Variants in LRRTM4 observed in about 807,000 individuals in gnomAD.
LRRTM4 encodes leucine rich repeat transmembrane neuronal 4, also known as leucine-rich repeat transmembrane neuronal protein 4.
In LRRTM4, 25 loss-of-function variants were observed where a neutral mutation model predicts 47.6. That is an observed-to-expected ratio of 0.53 (90% CI 0.38 to 0.73). LRRTM4 has a LOEUF of 0.73. Ranked by LOEUF, LRRTM4 falls within the 30% of genes least tolerant of loss-of-function variation. The probability of loss-of-function intolerance (pLI) is 0.00; values close to 1 mark genes in which losing one functional copy is unlikely to be tolerated. For missense variants in LRRTM4, 638 were observed against 713.4 expected, an observed-to-expected ratio of 0.89 and a Z score of 1.20; for synonymous variants, 311 against 269.5, an observed-to-expected ratio of 1.15 and a Z score of -1.51.
At chr2:77,464,509 C>A (rs1057342222) in intron 3 of LRRTM4, among the ~76,000 whole-genome samples, 1 of 151,468 alleles carries the variant, frequency 6.6e-6, no homozygotes, top group Non-Finnish European at 1.5e-5. Flanking sequence ...TGAGCTATTT[C>A]CTTTTTTTTC....
At chr2:77,088,748 T>A (rs966916412) in intron 3 of LRRTM4, among the ~76,000 whole-genome samples, 4 of 152,134 alleles carry the variant, frequency 2.6e-5, no homozygotes, top group Non-Finnish European at 5.9e-5. Context: ...TCTTTGCTCC[T>A]TGAGAAAGAT....
rs112370214 is a variant in LRRTM4, at chr2:77,101,383, G to A, written c.1552-352467C>T. 1.2e-3 allele frequency among the ~76,000 whole-genome samples: 184 copies of A among 152,118 alleles called. 2 individuals are homozygous for A. The highest frequency in any genetic ancestry group is 3.8e-3 in the African/African-American group (158 of 41,518). On this transcript the variant is annotated intron_variant, in intron 3 of 3. Coordinates refer to ENST00000409884, the MANE Select transcript of LRRTM4 (RefSeq NM_001134745.3). ...AGTTGGGTTTATCAAAACAGAGTGC[G>A]TACATACAAAATGAGGGGGGTGAAG...
At chr2:76,928,418 G>T (rs374712598) in intron 3 of LRRTM4, among the ~76,000 whole-genome samples, 1 of 152,124 alleles carries the variant, frequency 6.6e-6, no homozygotes, top group Admixed American at 6.6e-5. Flanking sequence ...TCAATTTTGT[G>T]GTTGCAAGAT....
intron 3 of LRRTM4, among the ~76,000 whole-genome samples, chr2:77,008,656 G>A (rs924244762): frequency 4.6e-5 from 7 of 151,630 alleles, no homozygotes; most frequent in Non-Finnish European, 1.0e-4. Flanking sequence ...TCTTGTTGAG[G>A]TGTGTTTGCC....
At chr2:77,320,625 A>G (rs746322990) in intron 3 of LRRTM4, among the ~76,000 whole-genome samples, 58 of 152,208 alleles carry the variant, frequency 3.8e-4, no homozygotes, top group Non-Finnish European at 4.7e-4. Context: ...CCAAAGAAAG[A>G]GACCAAATAA....
At chr2:76,838,331 A>G (rs534693750) in intron 3 of LRRTM4, among the ~76,000 whole-genome samples, 2 of 152,026 alleles carry the variant, frequency 1.3e-5, no homozygotes, top group East Asian at 1.9e-4. Context: ...TTGTTTTCCT[A>G]CTTCTAAAAC....
chr2:76,868,389 A>C (rs993641370), intron 3 of LRRTM4, among the ~76,000 whole-genome samples: 4 of 152,252 alleles, frequency 2.6e-5, no homozygotes, highest in African/African-American at 9.6e-5. Context: ...GTTTTCAAGA[A>C]ATTTTTTTTA....
chr2:77,229,715 ATAG>A (rs1674912454), intron 3 of LRRTM4, among the ~76,000 whole-genome samples: 1 of 152,130 alleles, frequency 6.6e-6, no homozygotes, highest in Non-Finnish European at 1.5e-5. Flanking sequence ...AGACTTAGCA[ATAG>A]TAATGTCTCT....
intron 3 of LRRTM4, among the ~76,000 whole-genome samples, chr2:77,090,927 C>A (rs1295097220): frequency 6.6e-6 from 1 of 152,022 alleles, no homozygotes; most frequent in Admixed American, 6.6e-5. Context: ...AAGGTAAGCC[C>A]ATCCCCTTCT....
intron 3 of LRRTM4, among the ~76,000 whole-genome samples, chr2:76,785,354 G>C (rs1674617944): frequency 6.6e-6 from 1 of 152,110 alleles, no homozygotes; most frequent in Non-Finnish European, 1.5e-5. Context: ...AAGCAAAATA[G>C]AGCATCAACT....
At chr2:77,162,091 C>T (rs748220650) in intron 3 of LRRTM4, among the ~76,000 whole-genome samples, 2 of 152,106 alleles carry the variant, frequency 1.3e-5, no homozygotes, top group African/African-American at 2.4e-5. Flanking sequence ...CCATGACAGG[C>T]GGTACCTGGA....
At chr2:76,922,604 T>C (rs976195075) in intron 3 of LRRTM4, among the ~76,000 whole-genome samples, 2 of 152,004 alleles carry the variant, frequency 1.3e-5, no homozygotes, top group East Asian at 1.9e-4. Context: ...AGTGGATTGA[T>C]AGGTGCCAAG....
At chr2:77,081,494 T>C (rs1169349639) in intron 3 of LRRTM4, among the ~76,000 whole-genome samples, 2 of 152,054 alleles carry the variant, frequency 1.3e-5, no homozygotes, top group East Asian at 1.9e-4. Flanking sequence ...AATAAATGTG[T>C]AAGAAATTAA....
chr2:76,787,548 G>T (rs1020451758), intron 3 of LRRTM4, among the ~76,000 whole-genome samples: 1 of 151,878 alleles, frequency 6.6e-6, no homozygotes, highest in Non-Finnish European at 1.5e-5. Flanking sequence ...AAGGAAAAAA[G>T]AAAGGAAGTT....
chr2:76,944,274 G>A (rs1675251470), intron 3 of LRRTM4, among the ~76,000 whole-genome samples: 3 of 152,022 alleles, frequency 2.0e-5, no homozygotes, highest in South Asian at 4.2e-4. Flanking sequence ...ATCTTCCTAT[G>A]TCATCTCCTT....
intron 3 of LRRTM4, among the ~76,000 whole-genome samples, chr2:77,163,585 G>C (rs545642426): frequency 1.3e-5 from 2 of 152,254 alleles, no homozygotes; most frequent in African/African-American, 4.8e-5. Context: ...AAAAAGTTTG[G>C]GTTACCCATA....
At chr2:77,309,148 C>T (rs1677375334) in intron 3 of LRRTM4, among the ~76,000 whole-genome samples, 1 of 152,126 alleles carries the variant, frequency 6.6e-6, no homozygotes, top group African/African-American at 2.4e-5. Flanking sequence ...CTTTTCCTAT[C>T]ATTTTCAACT....
At chr2:77,339,647 C>G (rs911345350) in intron 3 of LRRTM4, among the ~76,000 whole-genome samples, 1 of 151,992 alleles carries the variant, frequency 6.6e-6, no homozygotes, top group African/African-American at 2.4e-5. Flanking sequence ...AGTCTTAGTC[C>G]TTAAATCCCC....
At chr2:76,899,474 G>C (rs564542450) in intron 3 of LRRTM4, among the ~76,000 whole-genome samples, 1 of 152,026 alleles carries the variant, frequency 6.6e-6, no homozygotes, top group African/African-American at 2.4e-5. Context: ...TGGAGAAGGT[G>C]ATATTTGAAC....
Sources: gnomAD v4.1 joint callset for allele counts (sites outside exome capture counted in the v4.1 genomes callset) on GRCh38, gnomAD v4.1.1 for gene constraint, MANE v1.5 for transcripts, NCBI Gene and HGNC (gene_info 2026-07-23, HGNC 2026-07-21) for gene names.